Variants in PHF8 observed in about 807,000 individuals in gnomAD.
The protein encoded by PHF8 is PHD finger protein 8.
PHF8 carries 9 observed loss-of-function variants against 74.4 expected under a neutral mutation model. That is an observed-to-expected ratio of 0.12 (90% confidence interval 0.07 to 0.21). PHF8 has a LOEUF of 0.21. PHF8 is among the 10% of genes least tolerant of loss of function. The pLI, the probability that PHF8 is intolerant of heterozygous loss-of-function variation, is 1.00. For missense variants in PHF8, 478 were observed against 816.6 expected (o/e 0.59, Z 5.05); for synonymous variants, 311 against 316.6 (o/e 0.98, Z 0.19).
chrX:53,975,637 T>A (rs1325466249), intron 18 of PHF8, among the ~76,000 whole-genome samples: 2 of 112,125 alleles, frequency 1.8e-5, no homozygotes, highest in East Asian at 5.6e-4. Context: ...CAGACAAATA[T>A]CGCATGTTCT....
upstream of PHF8, among the ~76,000 whole-genome samples, chrX:54,048,298 C>G (rs987811208): frequency 9.0e-6 from 1 of 111,305 alleles, no homozygotes; most frequent in African/African-American, 3.3e-5. Flanking sequence ...TGTGTGTACC[C>G]TTAGGGAATA....
intron 2 of PHF8, among the ~76,000 whole-genome samples, chrX:54,029,666 T>C (rs1242206708): frequency 1.8e-5 from 2 of 111,839 alleles, no homozygotes; most frequent in Non-Finnish European, 3.8e-5. Flanking sequence ...GGTGACTTAG[T>C]ACACAGGGTA....
chrX:53,995,926 A>C (rs2065739693), intron 11 of PHF8, 144 bp from the exon 12 acceptor site: 1 of 435,828 alleles, frequency 2.3e-6, no homozygotes, highest in African/African-American at 2.5e-5. Flanking sequence ...ATGCAAAAAA[A>C]AAAACAAAAA....
chrX:53,965,993 T>A (rs782381721), intron 18 of PHF8, among the ~76,000 whole-genome samples: 9 of 110,381 alleles, frequency 8.2e-5, no homozygotes, highest in Non-Finnish European at 1.7e-4. Flanking sequence ...TCAACTAGGC[T>A]GAAAGAGCAA....
intron 4 of PHF8, among the ~76,000 whole-genome samples, chrX:54,021,561 C>T (rs1445553631): frequency 5.0e-5 from 5 of 100,143 alleles, no homozygotes; most frequent in Admixed American, 1.1e-4. Flanking sequence ...CTCCGCCTCC[C>T]GGGTTCACGC....
intron 4 of PHF8, among the ~76,000 whole-genome samples, chrX:54,021,558 T>C (rs1387894343): frequency 1.1e-5 from 1 of 87,290 alleles, no homozygotes; most frequent in African/African-American, 4.5e-5. Flanking sequence ...AAGCTCCGCC[T>C]CCCGGGTTCA....
chrX:54,022,129 C>T, intron 4 of PHF8, 130 bp downstream of exon 4: 3 of 496,137 alleles, frequency 6.0e-6, no homozygotes, highest in African/African-American at 2.3e-5. Context: ...AAGGAATTTG[C>T]AGAGCCCTGA....
chrX:53,967,104 G>A (rs1259564377), intron 18 of PHF8, among the ~76,000 whole-genome samples: 9 of 110,419 alleles, frequency 8.2e-5, no homozygotes, highest in Non-Finnish European at 1.1e-4. Flanking sequence ...AGTGAGGAGC[G>A]TCTCTGCCTG....
At chrX:53,988,818 T>C (rs2065611509) in intron 14 of PHF8, among the ~76,000 whole-genome samples, 1 of 109,444 alleles carries the variant, frequency 9.1e-6, no homozygotes, top group African/African-American at 3.3e-5. Context: ...ACCTATGTGT[T>C]CTCACCACAA....
At chrX:53,964,990 T>C (rs1010784187) in intron 18 of PHF8, among the ~76,000 whole-genome samples, 10 of 110,666 alleles carry the variant, frequency 9.0e-5, no homozygotes, top group African/African-American at 3.3e-4. Flanking sequence ...GTTATAGAGA[T>C]CTGTTGCACA....
At chrX:53,945,811 T>C (rs782723821) in intron 19 of PHF8, among the ~76,000 whole-genome samples, 129 of 111,658 alleles carry the variant, frequency 1.2e-3, no homozygotes, top group African/African-American at 4.1e-3. Flanking sequence ...ATCAATCTCC[T>C]ACACAAAACC....
intron 18 of PHF8, among the ~76,000 whole-genome samples, chrX:53,965,199 A>C (rs1557092124): frequency 1.8e-5 from 2 of 112,129 alleles, no homozygotes; most frequent in Non-Finnish European, 1.9e-5. Context: ...ACACACGAAG[A>C]GGGTGCAGGG....
At chrX:53,977,648 CT>C (rs1203709777) in intron 18 of PHF8, among the ~76,000 whole-genome samples, 80 of 100,874 alleles carry the variant, frequency 7.9e-4, no homozygotes, top group Middle Eastern at 5.0e-3. Flanking sequence ...AGTTCAGTAG[CT>C]TTTTTTTTTT....
At chrX:53,941,840 G>A (rs1456368333) in intron 20 of PHF8, among the ~76,000 whole-genome samples, 1 of 111,743 alleles carries the variant, frequency 8.9e-6, no homozygotes, top group African/African-American at 3.3e-5. Flanking sequence ...GGCACAGAGA[G>A]GCTAAGTCAT....
chrX:53,967,191 C>T (rs1420177445), intron 18 of PHF8, among the ~76,000 whole-genome samples: 31 of 100,303 alleles, frequency 3.1e-4, no homozygotes, highest in African/African-American at 1.1e-3. Context: ...AGGTGAGGGG[C>T]GCCTCTGCCC....
chrX:53,998,347 A>G (rs944654111), intron 11 of PHF8, among the ~76,000 whole-genome samples: 2 of 110,975 alleles, frequency 1.8e-5, no homozygotes, highest in Non-Finnish European at 3.8e-5. Flanking sequence ...CCAGCTACTC[A>G]GGAGGCTGAG....
intron 2 of PHF8, among the ~76,000 whole-genome samples, chrX:54,031,149 A>G (rs1166574374): frequency 1.8e-5 from 2 of 111,685 alleles, no homozygotes; most frequent in African/African-American, 6.5e-5. Flanking sequence ...ATATGTAACC[A>G]GGATATAATG....
At chrX:53,952,067 C>T (rs1337969780) in intron 19 of PHF8, among the ~76,000 whole-genome samples, 1 of 109,397 alleles carries the variant, frequency 9.1e-6, no homozygotes, top group Non-Finnish European at 1.9e-5. Flanking sequence ...GGGCAGATTA[C>T]GAGGTCAAGA....
intron 2 of PHF8, among the ~76,000 whole-genome samples, chrX:54,038,964 G>A (rs2066506707): frequency 9.1e-6 from 1 of 109,378 alleles, no homozygotes; most frequent in African/African-American, 3.3e-5. Context: ...GTGAAACCCT[G>A]TCTCTACTAA....
Sources: allele counts gnomAD v4.1 joint callset (sites outside exome capture counted in the v4.1 genomes callset), GRCh38; gene constraint gnomAD v4.1.1; transcripts MANE v1.5; gene names NCBI Gene and HGNC (gene_info 2026-07-23, HGNC 2026-07-21).